Variants in RNF213 observed in about 807,000 individuals in gnomAD.
RNF213 encodes ring finger protein 213.
In RNF213, 341 loss-of-function variants were observed where a neutral mutation model predicts 514.4. That is an observed-to-expected ratio of 0.66 (90% CI 0.61 to 0.73). RNF213 has a LOEUF of 0.73. Ranked by LOEUF, RNF213 falls within the 30% of genes least tolerant of loss-of-function variation. The pLI is 0.00. For missense variants in RNF213, 5,767 were observed against 6,615.6 expected (o/e 0.87, Z 4.45); for synonymous variants, 2,655 against 2,658.2 (o/e 1.00, Z 0.04).
intron 6 of RNF213, among the ~76,000 whole-genome samples, 164 bp downstream of exon 6, chr17:80,290,001 TG>T (rs2044633607): frequency 6.6e-6 from 1 of 151,858 alleles, no homozygotes; most frequent in South Asian, 2.1e-4. Flanking sequence ...TGGAGGGGGG[TG>T]GGCACCTGTG....
Position 80,390,097 on chromosome 17 carries a change from C to T in RNF213, c.15371C>T (p.Thr5124Ile), listed in dbSNP as rs2080402666. The stretch of plus-strand genomic sequence containing the variant: ...CTCCTCAGCACATTCCTAAATCAGA[C>T]TGGCCTAGACGCCTTCCTGCTAGAG... Reference protein sequence around the residue: ...AKLLSTFLNQTGLDAFLLELH... With the variant: ...AKLLSTFLNQIGLDAFLLELH... Residue 5124 changes from threonine to isoleucine, a missense_variant, in exon 67 of 68, where the codon ACT (threonine) becomes ATT (isoleucine). Physicochemically the swap from Thr to Ile is moderately conservative, Grantham distance 89 (BLOSUM62 -1). Coordinates refer to ENST00000582970, the MANE Select transcript of RNF213 (RefSeq NM_001256071.3). The T allele has an allele frequency of 6.2e-7, 1 of 1,614,212 alleles. No homozygotes were observed. Among genetic ancestry groups the T allele is most frequent in the Non-Finnish European group, 8.5e-7 (1 of 1,180,040 alleles).
chr17:80,361,873 G>A lies in RNF213; in HGVS notation c.11340G>A (p.Thr3780=), dbSNP rs769064475. Residue 3780 remains threonine (T), a synonymous_variant, in exon 39 of 68, where the codon ACG becomes ACA. Transcript: ENST00000582970. ...TTCTCTTGACCATGCGTGTGTCAAC[G>A]GAGGAGGAATTAAAGGTAGATGTTT... The part of the protein sequence containing the change: ...DFILLTMRVS[T]EEELKFLQMA... The A allele has an allele frequency of 2.7e-5, 43 of 1,612,968 alleles. No homozygotes were observed. Among genetic ancestry groups the A allele is most frequent in the South Asian group, 4.4e-5 (4 of 90,988 alleles).
Position 80,347,667 on chromosome 17 carries a change from G to C in RNF213, c.9332G>C (p.Ser3111Thr), listed in dbSNP as rs754244690. Reference sequence around the variant, plus strand: ...CTCAACCTGCAGAACCTCTACGAGAGCCTCTACGACGCACTCAACCAGTAC... The same window carrying C: ...CTCAACCTGCAGAACCTCTACGAGACCCTCTACGACGCACTCAACCAGTAC... ...LLLNLQNLYESLYDALNQYYV... is the reference protein window; with the variant it reads ...LLLNLQNLYETLYDALNQYYV... Residue 3111 changes from serine to threonine, a missense_variant, in exon 29 of 68, where the codon AGC (serine) becomes ACC (threonine). Ser to Thr is a moderately conservative substitution (Grantham distance 58). Transcript: ENST00000582970. The surrounding 1 kb of genome is among the most constrained non-coding windows in gnomAD (Gnocchi z 7.2). 6.2e-7 allele frequency: 1 copy of C among 1,614,110 alleles called. No individual in the cohort carries two copies. The highest frequency in any genetic ancestry group is 1.1e-5 in the South Asian group (1 of 91,090).
chr17:80,290,202 A>C (rs1030163152), intron 6 of RNF213, among the ~76,000 whole-genome samples: 1 of 152,202 alleles, frequency 6.6e-6, no homozygotes, highest in African/African-American at 2.4e-5. Flanking sequence ...AGAGACCTCC[A>C]TGGGGGGTGG....
intron 63 of RNF213, among the ~76,000 whole-genome samples, chr17:80,387,325 CG>C (rs1474459023): frequency 1.3e-5 from 2 of 152,188 alleles, no homozygotes; most frequent in Admixed American, 6.5e-5. Context: ...CGGCTGGTCT[CG>C]AACTCTTGGG....
intron 15 of RNF213, chr17:80,315,716 TGGTGGAGGTACTGGA>T (rs2045897138): frequency 6.7e-6 from 1 of 149,302 alleles, no homozygotes; most frequent in African/African-American, 2.6e-5. Flanking sequence ...ATGGAAGTGA[TGGTGGAGGTACTGGA>T]GGTGATGGTG....
At chr17:80,331,615 C>G (rs2046419060) in intron 20 of RNF213, among the ~76,000 whole-genome samples, 1 of 152,308 alleles carries the variant, frequency 6.6e-6, no homozygotes, top group East Asian at 1.9e-4. Flanking sequence ...TCATGAACTC[C>G]TGACCTCAGG....
At position 80,288,411 on chromosome 17, in the gene RNF213, C is replaced by T; in HGVS notation, c.810+48C>T. The T allele has an allele frequency of 6.2e-7, 1 of 1,604,724 alleles. No homozygotes were observed. Among genetic ancestry groups the T allele is most frequent in the Non-Finnish European group, 8.5e-7 (1 of 1,176,256 alleles). On this transcript the variant is annotated intron_variant, in intron 4 of 67. Transcript: ENST00000582970. This position sits in a 1 kb window ranked among gnomAD's most constrained non-coding sequence, Gnocchi z 4.9. The stretch of plus-strand genomic sequence containing the variant: ...CCTGGGAGTGGCACTGAGCCCTCGG[C>T]ACCTGGGCTCTGCTGCAAGGTGCTG...
rs4889847 is a variant in RNF213, at chr17:80,372,748, G to A, written c.12751+14G>A. On this transcript the variant is annotated intron_variant, in intron 48 of 67. Transcript: ENST00000582970. ...AGGGAGGCCCAGGCAAGTCTTCTCT[G>A]CCTTGCTTTCCTTTGGGTTTAAAGA... The A allele has an allele frequency of 0.032, 51,578 of 1,611,744 alleles. 983 individuals are homozygous for A. The highest frequency in any genetic ancestry group is 0.037 in the Non-Finnish European group (43,542 of 1,179,154).
At position 80,295,640 on chromosome 17, in the gene RNF213, C is replaced by A. The variant is rs748879359; in HGVS notation, c.1839C>A (p.Asp613Glu). Reference protein sequence around the residue: ...DGKSTDFLPVDCPVRSKLKTG... With the variant: ...DGKSTDFLPVECPVRSKLKTG... ...AAAGCACGGACTTTTTGCCTGTGGA[C>A]TGCCCAGTGAGGAGTAAACTGAAAA... The change falls in exon 10 of 68, where the codon GAC (aspartate) becomes GAA (glutamate). Residue 613 changes from aspartate (D) to glutamate (E), a missense_variant. Physicochemically the swap from Asp to Glu is conservative, Grantham distance 45 (BLOSUM62 2). Around this residue, in one of 13 missense-constraint regions of RNF213, gnomAD observed 592 missense variants for 673.9 expected, o/e 0.88. Transcript: ENST00000582970. 1 of 1,614,130 alleles carries A rather than the reference C, an allele frequency of 6.2e-7. No individual in the cohort carries two copies. Among genetic ancestry groups the A allele is most frequent in the Non-Finnish European group, 8.5e-7 (1 of 1,180,004 alleles).
intron 14 of RNF213, 112 bp downstream of exon 14, chr17:80,309,283 C>T (rs925747901): frequency 9.0e-6 from 12 of 1,329,438 alleles, no homozygotes; most frequent in Non-Finnish European, 1.1e-5. Context: ...TGAGATGGAG[C>T]GGTGGTTTCA....
chr17:80,379,535 AAGG>A, intron 54 of RNF213, 82 bp from the exon 55 acceptor site: 2 of 1,234,160 alleles, frequency 1.6e-6, no homozygotes, highest in Non-Finnish European at 2.4e-6. Context: ...TGCCGGTGAT[AAGG>A]AGGTGTTCAT....
At chr17:80,364,363 C>G in intron 41 of RNF213, 70 bp from the exon 42 acceptor site, 2 of 1,610,780 alleles carry the variant, frequency 1.2e-6, no homozygotes, top group South Asian at 2.2e-5. Context: ...TCCCGTCTCC[C>G]TCCTCGTTTC....
intron 16 of RNF213, among the ~76,000 whole-genome samples, chr17:80,318,497 C>T (rs899321909): frequency 3.9e-5 from 6 of 152,166 alleles, no homozygotes; most frequent in Non-Finnish European, 8.8e-5. Context: ...GGAGAACACA[C>T]AGACATGCCC....
chr17:80,361,402 C>T (rs369523345), intron 38 of RNF213, among the ~76,000 whole-genome samples: 2 of 152,130 alleles, frequency 1.3e-5, no homozygotes, highest in South Asian at 2.1e-4. Context: ...TGCCTGTAGT[C>T]CCAGCTACTT....
In RNF213 at chr17:80,295,063, G is replaced by C. The variant is rs891200021; in HGVS notation, c.1755+60G>C. ...GGCAGGAGCCACACCTGACCTGCTA[G>C]TGGCCGGATGACCCCTTGACTCTGT... On this transcript the variant is annotated intron_variant, in intron 9 of 67. Transcript: ENST00000582970. 8.7e-6 allele frequency: 14 copies of C among 1,601,092 alleles called. No individual in the cohort carries two copies. In the African/African-American group the frequency reaches 1.5e-4, roughly 17 times the overall value.
At chr17:80,366,212 G>A (rs1474466858) in intron 42 of RNF213, among the ~76,000 whole-genome samples, 1 of 152,180 alleles carries the variant, frequency 6.6e-6, no homozygotes. Context: ...AGGATGGCAC[G>A]GGTGGGACTG....
chr17:80,273,776 C>T (rs543077298), intron 3 of RNF213, among the ~76,000 whole-genome samples: 41 of 152,142 alleles, frequency 2.7e-4, no homozygotes, highest in Admixed American at 7.2e-4. Flanking sequence ...TGCACCACCA[C>T]GACCAGCTAA....
In RNF213 at chr17:80,377,041, G is replaced by A. The variant is rs560219953; in HGVS notation, c.13510+78G>A. On this transcript the variant is annotated intron_variant, in intron 53 of 67. Coordinates refer to ENST00000582970, the MANE Select transcript of RNF213 (RefSeq NM_001256071.3). This position sits in a 1 kb window ranked among gnomAD's most constrained non-coding sequence, Gnocchi z 4.1. ...CCAGATGCTATGAAGCATTGGGTTC[G>A]ACTTGGGGTCCACGTGGTTTGTGCC... is the stretch of plus-strand genomic sequence containing the variant. 6.2e-5 allele frequency: 72 copies of A among 1,164,776 alleles called. No individual in the cohort carries two copies. The highest frequency in any genetic ancestry group is 8.4e-5 in the Non-Finnish European group (66 of 788,066). The allele number at this position is 1,164,776 out of a possible 1,614,324, so 72.2% of individuals were successfully genotyped here. A position where few individuals can be genotyped will look rare whatever the true frequency, so the allele number is the denominator to read the frequency against.
Sources: allele counts gnomAD v4.1 joint callset (sites outside exome capture counted in the v4.1 genomes callset), GRCh38; gene constraint gnomAD v4.1.1; regional missense constraint gnomAD v4.1.1; non-coding constraint Gnocchi (gnomAD v3.1); transcripts MANE v1.5; gene names NCBI Gene and HGNC (gene_info 2026-07-23, HGNC 2026-07-21).